The following TNNI3K variants were observed in gnomAD, a reference collection of about 807,000 sequenced individuals.
TNNI3K encodes TNNI3 interacting kinase.
Under a neutral mutation model 114.5 loss-of-function variants are expected in TNNI3K, and 140 were observed. The ratio of observed to expected loss-of-function variants is 1.22; its 90% CI spans 1.07 to 1.41. TNNI3K has a LOEUF of 1.41. Ranked by LOEUF, TNNI3K falls within the 40% of genes most tolerant of loss-of-function variation. TNNI3K has a pLI of 0.00. For synonymous variants in TNNI3K, 347 were observed against 347.5 expected (o/e 1.00, Z 0.02); for missense variants, 1,125 against 1,007.6 (o/e 1.12, Z -1.58).
intron 17 of TNNI3K, among the ~76,000 whole-genome samples, chr1:74,398,380 G>A (rs984128083): frequency 6.6e-6 from 1 of 152,120 alleles, no homozygotes; most frequent in Non-Finnish European, 1.5e-5. Flanking sequence ...CACGTGTGAT[G>A]CAATACCAAG....
At chr1:74,480,889 CAA>C in intron 21 of TNNI3K, 1 of 717,384 alleles carries the variant, frequency 1.4e-6, no homozygotes, top group Admixed American at 2.0e-5. Flanking sequence ...CAAGATTAAA[CAA>C]GAGAGACAGG....
intron 5 of TNNI3K, among the ~76,000 whole-genome samples, chr1:74,302,343 A>C (rs907431929): frequency 1.3e-5 from 2 of 152,212 alleles, no homozygotes; most frequent in African/African-American, 4.8e-5. Flanking sequence ...TATTGCAATC[A>C]TGTTAATTAA....
chr1:74,292,607 G>A (rs1657750284), intron 5 of TNNI3K, among the ~76,000 whole-genome samples: 1 of 151,544 alleles, frequency 6.6e-6, no homozygotes, highest in African/African-American at 2.4e-5. Context: ...GAGTGCTGCT[G>A]TAAGGGCCAA....
chr1:74,243,439 A>C (rs930172903), intron 2 of TNNI3K, among the ~76,000 whole-genome samples: 8 of 152,156 alleles, frequency 5.3e-5, no homozygotes, highest in Admixed American at 2.0e-4. Context: ...AACCCATAAA[A>C]AATCCTTACC....
intron 17 of TNNI3K, chr1:74,416,690 T>C (rs1226435741): frequency 2.0e-6 from 1 of 487,922 alleles, no homozygotes; most frequent in African/African-American, 2.1e-5. Context: ...TTACATTAAA[T>C]ATCTTCTTTT....
intron 16 of TNNI3K, among the ~76,000 whole-genome samples, chr1:74,370,074 A>G (rs1662513878): frequency 6.6e-6 from 1 of 151,908 alleles, no homozygotes; most frequent in South Asian, 2.1e-4. Context: ...CAAGTATAAT[A>G]TCTTAAACAA....
chr1:74,477,275 CT>C, intron 21 of TNNI3K, among the ~76,000 whole-genome samples: 1 of 152,234 alleles, frequency 6.6e-6, no homozygotes, highest in Non-Finnish European at 1.5e-5. Context: ...TCTAATTCCT[CT>C]AACACTTATT....
At chr1:74,440,896 A>G (rs1489428224) in intron 20 of TNNI3K, among the ~76,000 whole-genome samples, 2 of 152,070 alleles carry the variant, frequency 1.3e-5, no homozygotes, top group African/African-American at 4.8e-5. Context: ...TAGATGTACT[A>G]TGGTGTTTTT....
At chr1:74,335,338 T>C (rs1660409329) in intron 6 of TNNI3K, among the ~76,000 whole-genome samples, 2 of 152,124 alleles carry the variant, frequency 1.3e-5, no homozygotes, top group Non-Finnish European at 2.9e-5. Flanking sequence ...GTATATGATA[T>C]TACCCCTCAC....
chr1:74,530,554 T>C (rs543960790), intron 23 of TNNI3K, among the ~76,000 whole-genome samples: 65 of 152,098 alleles, frequency 4.3e-4, no homozygotes, highest in Non-Finnish European at 7.6e-4. Context: ...AACTAGAAGA[T>C]CAGAATTCTA....
At chr1:74,380,061 C>T (rs183850399) in intron 17 of TNNI3K, among the ~76,000 whole-genome samples, 3 of 152,238 alleles carry the variant, frequency 2.0e-5, no homozygotes, top group East Asian at 3.9e-4. Flanking sequence ...GTTTTCCCCA[C>T]ACTATCATAT....
At chr1:74,387,796 T>C (rs1399074825) in intron 17 of TNNI3K, among the ~76,000 whole-genome samples, 1 of 152,200 alleles carries the variant, frequency 6.6e-6, no homozygotes, top group Non-Finnish European at 1.5e-5. Context: ...CATTATAAAA[T>C]AGGGACAATA....
At chr1:74,319,389 A>G (rs1026241177) in intron 5 of TNNI3K, among the ~76,000 whole-genome samples, 4 of 152,234 alleles carry the variant, frequency 2.6e-5, no homozygotes, top group African/African-American at 9.6e-5. Flanking sequence ...TGTTAGAAAT[A>G]AGTCATTAAT....
intron 2 of TNNI3K, among the ~76,000 whole-genome samples, chr1:74,242,163 T>C (rs1654276803): frequency 6.6e-6 from 1 of 152,158 alleles, no homozygotes; most frequent in Non-Finnish European, 1.5e-5. Context: ...AAAGTTGTAA[T>C]TTTTAAACAC....
Position 74,331,546 on chromosome 1 carries a change from C to A in TNNI3K, c.541C>A (p.Gln181Lys), listed in dbSNP as rs770392201. The stretch of plus-strand genomic sequence containing the variant: ...TATTGCAGCGTACTATGGACATGAA[C>A]AGGTAAGTCTGACAGTAGGATTTCC... The part of the protein sequence containing the change: ...LHIAAYYGHE[Q>K]VTRLLLKFGA... Residue 181 changes from glutamine (Q) to lysine (K), a missense_variant and splice_region_variant, in exon 6 of 25, where the codon CAG becomes AAG. Physicochemically the swap from Gln to Lys is moderately conservative, Grantham distance 53 (BLOSUM62 1). Transcript: ENST00000326637. The A allele has an allele frequency of 4.4e-6, 7 of 1,609,084 alleles. 1 individual carries two copies. In the South Asian group the frequency reaches 7.8e-5, roughly 18 times the overall value.
intron 23 of TNNI3K, among the ~76,000 whole-genome samples, chr1:74,512,323 TA>T (rs1285367026): frequency 2.0e-5 from 3 of 152,180 alleles, no homozygotes; most frequent in Non-Finnish European, 1.5e-5. Context: ...GATTGGCCCC[TA>T]GAACTGTGCA....
chr1:74,336,819 A>G (rs921912583), intron 7 of TNNI3K, among the ~76,000 whole-genome samples: 30 of 152,004 alleles, frequency 2.0e-4, no homozygotes, highest in African/African-American at 6.3e-4. Flanking sequence ...ATATGTGTGC[A>G]TGTGTCTTTA....
At chr1:74,240,773 TTTTC>T (rs1375018378) in intron 2 of TNNI3K, 1 of 151,994 alleles carries the variant, frequency 6.6e-6, no homozygotes, top group Non-Finnish European at 1.5e-5. Context: ...TAATTTTTCT[TTTTC>T]TTTTTCTTTT....
intron 23 of TNNI3K, among the ~76,000 whole-genome samples, chr1:74,515,306 C>T (rs1646333627): frequency 6.6e-6 from 1 of 152,130 alleles, no homozygotes; most frequent in African/African-American, 2.4e-5. Context: ...TCCTGAGGGT[C>T]ATAGTCATGT....
Sources: allele counts gnomAD v4.1 joint callset (sites outside exome capture counted in the v4.1 genomes callset), GRCh38; gene constraint gnomAD v4.1.1; transcripts MANE v1.5; gene names NCBI Gene and HGNC (gene_info 2026-07-23, HGNC 2026-07-21).